The following F8 variants were observed in gnomAD, a reference collection of about 807,000 sequenced individuals.
F8 encodes antihemophilic factor.
A neutral mutation model predicts 140.6 loss-of-function variants in F8; 12 were observed. That is an observed-to-expected ratio of 0.09 (90% CI 0.05 to 0.14). F8 has a LOEUF of 0.14. Ranked by LOEUF, F8 falls within the 10% of genes least tolerant of loss-of-function variation. The pLI is 1.00. For missense variants in F8, 1,354 were observed against 1,720.7 expected, an observed-to-expected ratio of 0.79 and a Z score of 3.77; for synonymous variants, 585 against 614.6, an observed-to-expected ratio of 0.95 and a Z score of 0.71.
chrX:155,022,331 G>A (rs1161879233), intron 1 of F8, 79 bp downstream of exon 1: 15 of 1,047,289 alleles, frequency 1.4e-5, no homozygotes, highest in African/African-American at 1.1e-4. Flanking sequence ...ATCCTAACCC[G>A]ATGTCTGCAC....
At chrX:154,914,776 G>A (rs2073086823) in intron 14 of F8, among the ~76,000 whole-genome samples, 1 of 111,530 alleles carries the variant, frequency 9.0e-6, no homozygotes, top group African/African-American at 3.3e-5. Context: ...AGCCCTCCAG[G>A]TCTCTAGGAA....
At chrX:154,979,439 C>G (rs2073505288) in intron 6 of F8, among the ~76,000 whole-genome samples, 1 of 111,035 alleles carries the variant, frequency 9.0e-6, no homozygotes, top group African/African-American at 3.3e-5. Flanking sequence ...TGCCCTCAGG[C>G]TCCTTGGTGG....
At chrX:154,973,859 C>T (rs781863707) in intron 6 of F8, among the ~76,000 whole-genome samples, 11 of 111,471 alleles carry the variant, frequency 9.9e-5, no homozygotes, top group Middle Eastern at 4.7e-3. Flanking sequence ...TGCAGTGGTG[C>T]GATCTTGGCT....
chrX:154,967,884 C>G (rs1167097516), intron 7 of F8, among the ~76,000 whole-genome samples: 1 of 111,511 alleles, frequency 9.0e-6, no homozygotes, highest in African/African-American at 3.3e-5. Flanking sequence ...GATTTCTATT[C>G]TTAATCACTA....
chrX:154,923,343 C>T (rs899629986), intron 14 of F8, among the ~76,000 whole-genome samples: 7 of 111,768 alleles, frequency 6.3e-5, no homozygotes, highest in South Asian at 3.8e-4. Context: ...ACATTTTCAT[C>T]TTATTCAATA....
intron 11 of F8, among the ~76,000 whole-genome samples, chrX:154,956,489 TA>T (rs2073365736): frequency 1.8e-5 from 2 of 112,218 alleles, no homozygotes; most frequent in Non-Finnish European, 3.8e-5. Context: ...GGGGAACTAA[TA>T]AATGTCCACG....
At chrX:154,851,055 C>T (rs1334665623) in intron 25 of F8, among the ~76,000 whole-genome samples, 1 of 112,105 alleles carries the variant, frequency 8.9e-6, no homozygotes, top group African/African-American at 3.2e-5. Context: ...GAAGCCACTC[C>T]ACATTCACTC....
intron 10 of F8, among the ~76,000 whole-genome samples, chrX:154,960,284 T>C (rs2073389138): frequency 9.0e-6 from 1 of 111,624 alleles, no homozygotes; most frequent in Admixed American, 9.5e-5. Flanking sequence ...GCAGTATAAG[T>C]AACTTTTTAG....
intron 14 of F8, among the ~76,000 whole-genome samples, chrX:154,921,145 T>G (rs1557277530): frequency 1.8e-5 from 2 of 112,367 alleles, no homozygotes; most frequent in East Asian, 5.5e-4. Context: ...TTTCAGGATT[T>G]TAAATCTATA....
At chrX:154,886,050 G>C (rs2072891790) in intron 22 of F8, 1 of 485,838 alleles carries the variant, frequency 2.1e-6, no homozygotes, top group Non-Finnish European at 2.9e-6. Flanking sequence ...CAGATGGAGA[G>C]GCTGTGGGAT....
At chrX:155,007,145 A>G (rs2073680522) in intron 1 of F8, among the ~76,000 whole-genome samples, 2 of 111,958 alleles carry the variant, frequency 1.8e-5, no homozygotes, top group African/African-American at 6.5e-5. Context: ...TCTTCCAGAA[A>G]AAAGTTGGGA....
chrX:154,929,109 C>G lies in F8; in HGVS notation c.4681G>C (p.Gly1561Arg). The G allele has an allele frequency of 8.3e-7, 1 of 1,211,439 alleles. No individual in the cohort carries two copies. The highest frequency in any genetic ancestry group is 1.1e-6 in the Non-Finnish European group (1 of 895,466). The change falls in exon 14 of 26, where the codon GGA (glycine) becomes CGA (arginine). Residue 1561 changes from glycine (G) to arginine (R), a missense_variant. This residue lies in a region of F8 where 658 missense variants were observed against 666.5 expected (regional missense o/e 0.99). Coordinates refer to ENST00000360256, the MANE Select transcript of F8 (RefSeq NM_000132.4). Reference protein sequence around the residue: ...AIKWNEANRPGKVPFLRVATE... With the variant: ...AIKWNEANRPRKVPFLRVATE... The stretch of plus-strand genomic sequence containing the variant: ...GCTACTCTCAGAAAGGGAACTTTTC[C>G]AGGTCTGTTTGCTTCATTCCACTTA...
At chrX:154,957,214 C>A in intron 10 of F8, 43 bp from the exon 11 acceptor site, 1 of 978,399 alleles carries the variant, frequency 1.0e-6, no homozygotes, top group Non-Finnish European at 1.5e-6. Context: ...TAGAGTACAA[C>A]AAGCCACATA....
chrX:154,892,539 A>G (rs782648884), intron 22 of F8, among the ~76,000 whole-genome samples: 28 of 112,478 alleles, frequency 2.5e-4, no homozygotes, highest in South Asian at 7.4e-4. Context: ...TCCTTGGCAA[A>G]TATGTTATCT....
At chrX:154,955,608 G>A (rs1419071892) in intron 11 of F8, among the ~76,000 whole-genome samples, 1 of 110,178 alleles carries the variant, frequency 9.1e-6, no homozygotes, top group African/African-American at 3.3e-5. Context: ...TTTTACAGCT[G>A]GGTCTCCAGG....
chrX:155,014,135 TA>T (rs1212387183), intron 1 of F8, among the ~76,000 whole-genome samples: 1 of 111,334 alleles, frequency 9.0e-6, no homozygotes, highest in Non-Finnish European at 1.9e-5. Context: ...AGTTCCTCAT[TA>T]AAAAATCAAT....
At chrX:154,936,798 C>A (rs1463108078) in intron 13 of F8, among the ~76,000 whole-genome samples, 1 of 111,313 alleles carries the variant, frequency 9.0e-6, no homozygotes, top group Non-Finnish European at 1.9e-5. Context: ...ATGCAGTGGG[C>A]CATTAATCAA....
At chrX:154,874,703 C>G (rs782456340) in intron 22 of F8, among the ~76,000 whole-genome samples, 21 of 111,900 alleles carry the variant, frequency 1.9e-4, no homozygotes, top group Non-Finnish European at 5.6e-5. Flanking sequence ...CAAAAGATGA[C>G]AAATGTTGGT....
intron 25 of F8, among the ~76,000 whole-genome samples, chrX:154,844,058 C>T (rs1296058940): frequency 1.8e-5 from 2 of 111,727 alleles, no homozygotes; most frequent in Non-Finnish European, 3.8e-5. Flanking sequence ...ATCCTTTCCC[C>T]ATTTCTTGTT....
Sources: gnomAD v4.1 joint callset for allele counts (sites outside exome capture counted in the v4.1 genomes callset) on GRCh38, gnomAD v4.1.1 for gene constraint, gnomAD v4.1.1 regional missense constraint, MANE v1.5 for transcripts, NCBI Gene and HGNC (gene_info 2026-07-23, HGNC 2026-07-21) for gene names.